Variants in IL12B observed in about 807,000 individuals in gnomAD.
IL12B encodes interleukin-12 subunit beta.
A neutral mutation model predicts 39.2 loss-of-function variants in IL12B; 27 were observed. That is an observed-to-expected ratio of 0.69 (90% CI 0.51 to 0.95). The LOEUF is 0.95. Ranked by LOEUF, IL12B falls within the 40% of genes least tolerant of loss-of-function variation. IL12B has a pLI of 0.00. For missense variants in IL12B, 351 were observed against 397.6 expected (o/e 0.88, Z 1.00); for synonymous variants, 142 against 152.1 (o/e 0.93, Z 0.49).
At chr5:159,318,474 C>T (rs944884993) in intron 6 of IL12B, among the ~76,000 whole-genome samples, 2 of 152,180 alleles carry the variant, frequency 1.3e-5, no homozygotes, top group Admixed American at 1.3e-4. Context: ...CAGGAACATG[C>T]TGTACAGGTT....
intron 1 of IL12B, among the ~76,000 whole-genome samples, chr5:159,330,064 C>A (rs1464187751): frequency 6.6e-6 from 1 of 152,132 alleles, no homozygotes; most frequent in East Asian, 1.9e-4. Context: ...AATAGTAAGG[C>A]AGGCACCACT....
Position 159,318,885 on chromosome 5 carries a change from C to A in IL12B, c.706G>T (p.Asp236Tyr). ...TTCAGCTGCAAGTTCTTGGGTGGGT[C>A]AGGTTTGACTGTGGAAGAGGATAAA... ...SFFIRDIIKPDPPKNLQLKPL... is the reference protein window; with the variant it reads ...SFFIRDIIKPYPPKNLQLKPL... Residue 236 changes from aspartate to tyrosine, a missense_variant, in exon 6 of 8, where the codon GAC (aspartate) becomes TAC (tyrosine). Coordinates refer to ENST00000231228, the MANE Select transcript of IL12B (RefSeq NM_002187.3). The A allele has an allele frequency of 2.5e-6, 4 of 1,613,892 alleles. No homozygotes were observed. The highest frequency in any genetic ancestry group is 3.4e-6 in the Non-Finnish European group (4 of 1,179,920).
At position 159,320,371 on chromosome 5, in the gene IL12B, A is replaced by G. The variant is rs1432039327; in HGVS notation, c.632T>C (p.Met211Thr). The G allele has an allele frequency of 2.5e-6, 4 of 1,614,158 alleles. No individual in the cohort carries two copies. Among genetic ancestry groups the G allele is most frequent in the Admixed American group, 1.7e-5 (1 of 60,022 alleles). ...AAEESLPIEV[M>T]VDAVHKLKYE... Reference sequence around the variant, plus strand: ...CTTGAGCTTGTGAACGGCATCCACCATGACCTCAATGGGCAGACTCTCCTC... The same window carrying G: ...CTTGAGCTTGTGAACGGCATCCACCGTGACCTCAATGGGCAGACTCTCCTC... Residue 211 changes from methionine (M) to threonine (T), a missense_variant, in exon 5 of 8, where the codon ATG becomes ACG. By Grantham distance (81) the Met-to-Thr change is moderately conservative. Coordinates refer to ENST00000231228, the MANE Select transcript of IL12B (RefSeq NM_002187.3).
rs2288831 is a variant in IL12B, at chr5:159,323,005, T to C, written c.364+49A>G. The C allele has an allele frequency of 0.23, 360,201 of 1,571,908 alleles. 46,246 individuals are homozygous for C. The highest frequency in any genetic ancestry group is 0.5 in the East Asian group (22,512 of 44,646). Reference sequence around the variant, plus strand: ...ATTTGTTGTTGTTGTTGTTTTTAACTCTTATGAGCGAAAGAGAAAATTGAT... The same window carrying C: ...ATTTGTTGTTGTTGTTGTTTTTAACCCTTATGAGCGAAAGAGAAAATTGAT... On this transcript the variant is annotated intron_variant, in intron 3 of 7. Coordinates refer to ENST00000231228, the MANE Select transcript of IL12B (RefSeq NM_002187.3).
chr5:159,316,881 G>A (rs2113022954), intron 6 of IL12B, 65 bp from the exon 7 acceptor site: 1 of 1,582,454 alleles, frequency 6.3e-7, no homozygotes, highest in Non-Finnish European at 8.7e-7. Context: ...AGCTGAGCCT[G>A]TTTCTGCAAT....
At chr5:159,323,024 A>C in intron 3 of IL12B, 30 bp downstream of exon 3, 4 of 1,608,734 alleles carry the variant, frequency 2.5e-6, no homozygotes, top group Non-Finnish European at 3.4e-6. Context: ...CGAAAGAGAA[A>C]ATTGATACTA....
chr5:159,316,614 C>T, intron 7 of IL12B, 71 bp downstream of exon 7: 1 of 1,530,056 alleles, frequency 6.5e-7, no homozygotes, highest in Non-Finnish European at 8.9e-7. Context: ...CCAACACAGC[C>T]CCCAATCATA....
chr5:159,315,590 T>A lies in IL12B; in HGVS notation c.*511A>T, dbSNP rs1753976571. ...AGGTTTGCATTGTCAGGTTTCCATG[T>A]AAGTATCTCTTGCGTTCCCATCCAT... On this transcript the variant is annotated 3_prime_UTR_variant, in exon 8 of 8. Transcript: ENST00000231228. The A allele has an allele frequency of 6.5e-6, 1 of 152,794 alleles. No homozygotes were observed. The highest frequency in any genetic ancestry group is 2.1e-4 in the South Asian group (1 of 4,830). The allele number at this position is 152,794 out of a possible 1,614,324, so 9.5% of individuals were successfully genotyped here. A position where few individuals can be genotyped will look rare whatever the true frequency, so the allele number is the denominator to read the frequency against.
At chr5:159,316,552 A>G in intron 7 of IL12B, 133 bp downstream of exon 7, 1 of 872,450 alleles carries the variant, frequency 1.1e-6, no homozygotes, top group South Asian at 1.5e-5. Context: ...GAATAAATGT[A>G]TGTTTCTGAT....
At position 159,322,435 on chromosome 5, in the gene IL12B, T is replaced by G. The variant is rs140642018; in HGVS notation, c.441A>C (p.Thr147=). ...SGRFTCWWLT[T]ISTDLTFSVK... is the part of the protein sequence containing the mutation. ...CACTGAATGTCAAATCAGTACTGAT[T>G]GTCGTCAGCCACCAGCAGGTGAAAC... Residue 147 remains threonine (T), a synonymous_variant, in exon 4 of 8, where the codon ACA becomes ACC. Coordinates refer to ENST00000231228, the MANE Select transcript of IL12B (RefSeq NM_002187.3). 221 of 1,613,772 alleles carry G rather than the reference T, an allele frequency of 1.4e-4. 2 individuals carry two copies. The East Asian group carries it at 4.9e-3, about 36-fold the overall frequency.
At chr5:159,324,885 C>CA (rs1210485240) in intron 2 of IL12B, among the ~76,000 whole-genome samples, 1 of 151,986 alleles carries the variant, frequency 6.6e-6, no homozygotes, top group Non-Finnish European at 1.5e-5. Context: ...GAATGGATAA[C>CA]AAAAATAAGA....
chr5:159,323,541 C>T (rs558362761), intron 2 of IL12B, among the ~76,000 whole-genome samples: 2 of 152,164 alleles, frequency 1.3e-5, no homozygotes, highest in African/African-American at 4.8e-5. Context: ...TAGCTGCCAT[C>T]GACTCATTGA....
chr5:159,320,502 C>T lies in IL12B; in HGVS notation c.501G>A (p.Gly167=), dbSNP rs1227093615. 3.7e-6 allele frequency: 6 copies of T among 1,613,978 alleles called. No individual in the cohort carries two copies. Among genetic ancestry groups the T allele is most frequent in the Admixed American group, 3.3e-5 (2 of 59,996 alleles). Residue 167 remains glycine, a synonymous_variant, in exon 5 of 8, where the codon GGG becomes GGA. Coordinates refer to ENST00000231228, the MANE Select transcript of IL12B (RefSeq NM_002187.3). ...KSSRGSSDPQ[G]VTCGAATLSA... ...AGAGTGTAGCAGCTCCGCACGTCAC[C>T]CCTTGGGGGTCAGAAGAGCTGAAGT...
chr5:159,320,960 C>A (rs1754076454), intron 4 of IL12B, among the ~76,000 whole-genome samples: 1 of 151,662 alleles, frequency 6.6e-6, no homozygotes, highest in Non-Finnish European at 1.5e-5. Context: ...CTTGTTGTAT[C>A]CTTCCAGACC....
At chr5:159,317,348 C>G (rs913675929) in intron 6 of IL12B, among the ~76,000 whole-genome samples, 3 of 152,208 alleles carry the variant, frequency 2.0e-5, no homozygotes, top group Non-Finnish European at 4.4e-5. Context: ...TCACGTCAAA[C>G]TCTTAGCAAG....
chr5:159,326,436 T>C (rs1056285697), intron 2 of IL12B, among the ~76,000 whole-genome samples: 2 of 152,228 alleles, frequency 1.3e-5, no homozygotes, highest in Non-Finnish European at 2.9e-5. Flanking sequence ...ATATGTCATA[T>C]GTCTTTCCCC....
rs1754133712 is a variant in IL12B, at chr5:159,323,343, A to G, written c.89-14T>C. On this transcript the variant is annotated splice_polypyrimidine_tract_variant and intron_variant, in intron 2 of 7. Transcript: ENST00000231228. ...CTACGACATAAACTGGAATGCACAT[A>G]AAGTGGAGAACCAGGCTGTAAGCTC... is the stretch of plus-strand genomic sequence containing the variant. The G allele has an allele frequency of 3.1e-6, 5 of 1,612,834 alleles. No homozygotes were observed. Among genetic ancestry groups the G allele is most frequent in the South Asian group, 1.1e-5 (1 of 91,066 alleles).
At chr5:159,320,919 T>C (rs533514544) in intron 4 of IL12B, among the ~76,000 whole-genome samples, 22 of 152,290 alleles carry the variant, frequency 1.4e-4, no homozygotes, top group Admixed American at 2.6e-4. Context: ...CATCCTTAAC[T>C]GCTCTCCACA....
chr5:159,320,840 CA>C (rs1203557601), intron 4 of IL12B, among the ~76,000 whole-genome samples: 11 of 152,144 alleles, frequency 7.2e-5, no homozygotes, highest in African/African-American at 2.4e-4. Flanking sequence ...ATACACAAAT[CA>C]GTACACACTA....
Sources: gnomAD v4.1 joint callset for allele counts (sites outside exome capture counted in the v4.1 genomes callset) on GRCh38, gnomAD v4.1.1 for gene constraint, MANE v1.5 for transcripts, NCBI Gene and HGNC (gene_info 2026-07-23, HGNC 2026-07-21) for gene names.